Variants in TLK2 observed in about 807,000 individuals in gnomAD.
TLK2 encodes tousled like kinase 2.
A neutral mutation model predicts 117.3 loss-of-function variants in TLK2; 6 were observed. The observed-to-expected ratio is 0.05, with a 90% confidence interval of 0.03 to 0.10. TLK2 has a LOEUF of 0.10. Ranked by LOEUF, TLK2 falls within the 10% of genes least tolerant of loss-of-function variation. TLK2 has a pLI of 1.00. For missense variants in TLK2, 299 were observed against 901.2 expected, an observed-to-expected ratio of 0.33 and a Z score of 8.56; for synonymous variants, 257 against 316.7, an observed-to-expected ratio of 0.81 and a Z score of 2.00.
rs1019876519 is a variant in TLK2 at position 62,546,831 on chromosome 17, A to G, written c.532-5471A>G. Among the ~76,000 whole-genome samples the G allele has an allele frequency of 3.6e-4, 55 of 151,764 alleles. 1 individual carries two copies. Among genetic ancestry groups the G allele is most frequent in the Non-Finnish European group, 8.8e-5 (6 of 67,978 alleles). On this transcript the variant is annotated intron_variant, in intron 7 of 21. Coordinates refer to ENST00000346027, the MANE Select transcript of TLK2 (RefSeq NM_006852.6). The stretch of plus-strand genomic sequence containing the variant: ...TGTCTCGGCCTCCCAAAGTGCTGGG[A>G]TTACAGGCATGAGACACCGCACCCG...
At chr17:62,607,489 A>T (rs949349495) in intron 20 of TLK2, among the ~76,000 whole-genome samples, 3 of 151,668 alleles carry the variant, frequency 2.0e-5, no homozygotes, top group African/African-American at 7.3e-5. Context: ...AGATCATGCC[A>T]CTGTACTCCA....
chr17:62,485,718 C>G (rs1409573875), intron 2 of TLK2, among the ~76,000 whole-genome samples: 1 of 151,670 alleles, frequency 6.6e-6, no homozygotes, highest in East Asian at 1.9e-4. Context: ...AGCAGGCTCT[C>G]TAGTCTAGCT....
chr17:62,609,280 C>A (rs768375484), intron 21 of TLK2, among the ~76,000 whole-genome samples: 1 of 152,104 alleles, frequency 6.6e-6, no homozygotes, highest in Non-Finnish European at 1.5e-5. Context: ...CAAGGGGTTT[C>A]GCCGTGTTGC....
intron 6 of TLK2, among the ~76,000 whole-genome samples, chr17:62,528,095 C>T (rs1400830339): frequency 6.6e-6 from 1 of 152,144 alleles, no homozygotes; most frequent in Non-Finnish European, 1.5e-5. Flanking sequence ...TTACTGCTGT[C>T]TCTTGTTACA....
intron 2 of TLK2, chr17:62,507,358 T>G (rs1464484003): frequency 2.0e-5 from 3 of 152,160 alleles, no homozygotes; most frequent in African/African-American, 7.2e-5. Flanking sequence ...ACTTAACAGA[T>G]TTCACATCTG....
chr17:62,537,774 G>T (rs1022172896), intron 7 of TLK2, among the ~76,000 whole-genome samples: 47 of 152,126 alleles, frequency 3.1e-4, no homozygotes, highest in African/African-American at 1.1e-3. Context: ...GAAGTGTTTT[G>T]ATCTTTAATC....
intron 1 of TLK2, among the ~76,000 whole-genome samples, chr17:62,480,701 G>T (rs2071536174): frequency 6.6e-6 from 1 of 152,150 alleles, no homozygotes; most frequent in African/African-American, 2.4e-5. Context: ...CATATTTTTA[G>T]TTTAAGGACT....
intron 7 of TLK2, among the ~76,000 whole-genome samples, chr17:62,538,857 G>A (rs887361753): frequency 5.9e-5 from 9 of 152,150 alleles, no homozygotes; most frequent in African/African-American, 2.2e-4. Context: ...ATAGTAAAAG[G>A]GTTAGTATTA....
chr17:62,611,322 T>C (rs761112660), intron 21 of TLK2, among the ~76,000 whole-genome samples: 1 of 152,224 alleles, frequency 6.6e-6, no homozygotes, highest in South Asian at 2.1e-4. Context: ...GTCTTTAATT[T>C]TGAAAAACCA....
At chr17:62,528,083 G>A (rs1280394403) in intron 6 of TLK2, among the ~76,000 whole-genome samples, 2 of 152,112 alleles carry the variant, frequency 1.3e-5, no homozygotes, top group Non-Finnish European at 2.9e-5. Context: ...GCTTTGCTTT[G>A]TTTACTGCTG....
At chr17:62,516,356 C>T (rs187444559) in intron 2 of TLK2, 15 of 1,527,852 alleles carry the variant, frequency 9.8e-6, no homozygotes, top group Non-Finnish European at 1.2e-5. Context: ...CAACCAAATC[C>T]GCCTCTAAAC....
intron 7 of TLK2, among the ~76,000 whole-genome samples, chr17:62,539,349 G>A (rs374280593): frequency 3.3e-5 from 5 of 152,082 alleles, no homozygotes; most frequent in Admixed American, 1.3e-4. Context: ...CTAAGCATAC[G>A]GTCTTTCACT....
intron 16 of TLK2, among the ~76,000 whole-genome samples, chr17:62,586,713 C>T (rs1465028431): frequency 6.6e-6 from 1 of 151,672 alleles, no homozygotes; most frequent in Non-Finnish European, 1.5e-5. Flanking sequence ...CCCAGCTACT[C>T]GGGAGGCTGA....
intron 7 of TLK2, among the ~76,000 whole-genome samples, chr17:62,539,655 T>G (rs1455180600): frequency 6.6e-6 from 1 of 152,004 alleles, no homozygotes; most frequent in Non-Finnish European, 1.5e-5. Flanking sequence ...GATTTTTGTT[T>G]TTAGTAGAGA....
intron 2 of TLK2, among the ~76,000 whole-genome samples, chr17:62,510,932 A>G (rs1161215455): frequency 1.3e-5 from 2 of 152,230 alleles, no homozygotes; most frequent in Admixed American, 1.3e-4. Flanking sequence ...TACAATAATA[A>G]GTAATACATA....
intron 2 of TLK2, among the ~76,000 whole-genome samples, chr17:62,519,578 C>T (rs1047443599): frequency 2.6e-5 from 4 of 152,012 alleles, no homozygotes; most frequent in Non-Finnish European, 4.4e-5. Context: ...CTTCGGGAGG[C>T]GGAGGCGGGT....
At chr17:62,505,407 A>T (rs369717747) in intron 2 of TLK2, among the ~76,000 whole-genome samples, 86 of 53,760 alleles carry the variant, frequency 1.6e-3, no homozygotes, top group Middle Eastern at 0.031. Context: ...CCATACCCAG[A>T]TTTTTTTTTT....
chr17:62,492,337 C>T (rs1191167669), intron 2 of TLK2, among the ~76,000 whole-genome samples: 3 of 151,936 alleles, frequency 2.0e-5, no homozygotes, highest in East Asian at 1.9e-4. Context: ...AAATATACTC[C>T]GAAGACAGCA....
At chr17:62,588,398 G>A (rs899859729) in intron 16 of TLK2, among the ~76,000 whole-genome samples, 14 of 152,174 alleles carry the variant, frequency 9.2e-5, no homozygotes, top group African/African-American at 3.4e-4. Context: ...TATGGATTGG[G>A]TGTTTTCTCA....
Sources: allele counts gnomAD v4.1 joint callset (sites outside exome capture counted in the v4.1 genomes callset), GRCh38; gene constraint gnomAD v4.1.1; transcripts MANE v1.5; gene names NCBI Gene and HGNC (gene_info 2026-07-23, HGNC 2026-07-21).